CAMKMT: variants seen among roughly 807,000 people sequenced by gnomAD.
CAMKMT encodes the protein CaM KMT.
A neutral mutation model predicts 48.0 loss-of-function variants in CAMKMT; 53 were observed. The ratio of observed to expected loss-of-function variants is 1.10; its 90% confidence interval spans 0.89 to 1.39. The LOEUF (loss-of-function observed/expected upper bound fraction) is 1.39, where lower values mean the gene tolerates loss of function less well. CAMKMT is among the 40% of genes most tolerant of loss of function. The pLI is 0.00. For synonymous variants in CAMKMT, 165 were observed against 152.3 expected, an observed-to-expected ratio of 1.08 and a Z score of -0.61; for missense variants, 428 against 402.7, an observed-to-expected ratio of 1.06 and a Z score of -0.54.
intron 3 of CAMKMT, among the ~76,000 whole-genome samples, chr2:44,457,614 G>T (rs1246367896): frequency 1.3e-5 from 2 of 152,068 alleles, no homozygotes; most frequent in East Asian, 1.9e-4. Flanking sequence ...GGCCAGGCTG[G>T]TCTCAAACTC....
At chr2:44,687,496 G>T (rs1461912599) in intron 3 of CAMKMT, among the ~76,000 whole-genome samples, 1 of 152,204 alleles carries the variant, frequency 6.6e-6, no homozygotes, top group Non-Finnish European at 1.5e-5. Flanking sequence ...CCAAATAGCT[G>T]CCAGTCAATT....
chr2:44,510,353 A>G (rs2104766312), intron 3 of CAMKMT, among the ~76,000 whole-genome samples: 1 of 152,294 alleles, frequency 6.6e-6, no homozygotes, highest in South Asian at 2.1e-4. Context: ...TCTCATGATT[A>G]CATTGAGATT....
intron 3 of CAMKMT, among the ~76,000 whole-genome samples, chr2:44,538,846 C>A (rs1304100242): frequency 6.6e-6 from 1 of 151,594 alleles, no homozygotes; most frequent in Non-Finnish European, 1.5e-5. Flanking sequence ...ACTTGTATGC[C>A]CTTTATAATA....
Position 44,772,111 on chromosome 2 carries a change from T to G in CAMKMT, c.970T>G (p.Ter324GluextTer25). 6.2e-7 allele frequency: 1 copy of G among 1,612,540 alleles called. No homozygotes were observed. The highest frequency in any genetic ancestry group is 2.2e-5 in the East Asian group (1 of 44,880). ...PLLLILTKHG[*>E] Reference sequence around the variant, plus strand: ...TCTGCTTATTTTGACCAAACATGGATAGAAGATTAAGCTTCTCAAAGACGA... The same window carrying G: ...TCTGCTTATTTTGACCAAACATGGAGAGAAGATTAAGCTTCTCAAAGACGA... Residue 324 changes from the stop codon to glutamate (E), a stop_lost, in exon 11 of 11, where the codon TAG becomes GAG. Coordinates refer to ENST00000378494, the MANE Select transcript of CAMKMT (RefSeq NM_024766.5).
intron 10 of CAMKMT, among the ~76,000 whole-genome samples, chr2:44,767,458 G>GT (rs1340519162): frequency 6.6e-6 from 1 of 152,194 alleles, no homozygotes; most frequent in Non-Finnish European, 1.5e-5. Context: ...ATGTAGAAGT[G>GT]TGTTGGCTTT....
rs1227855145 is a variant in CAMKMT at position 44,591,534 on chromosome 2, C to CT, written c.377-112748dup. Among the ~76,000 whole-genome samples, 6 of 152,220 alleles carry CT rather than the reference C, an allele frequency of 3.9e-5. No homozygotes were observed. The East Asian group carries it at 5.8e-4, about 15-fold the overall frequency. ...TGAAGCAATTGTGAATGGGAGTTCA[C>CT]TCATGATTTGGCTCTCTGTTTGTCT... On this transcript the variant is annotated intron_variant, in intron 3 of 10. Coordinates refer to ENST00000378494, the MANE Select transcript of CAMKMT (RefSeq NM_024766.5).
intron 7 of CAMKMT, among the ~76,000 whole-genome samples, chr2:44,729,761 G>T (rs1678982320): frequency 1.3e-5 from 2 of 152,124 alleles, no homozygotes; most frequent in South Asian, 4.1e-4. Flanking sequence ...AGACAAGAAA[G>T]GGAAATATTT....
chr2:44,570,138 C>T (rs1048165251), intron 3 of CAMKMT, among the ~76,000 whole-genome samples: 3 of 152,036 alleles, frequency 2.0e-5, no homozygotes, highest in African/African-American at 4.8e-5. Context: ...ATGTTTCCCC[C>T]AAATACAATG....
chr2:44,372,478 A>G (rs904318589), intron 1 of CAMKMT, among the ~76,000 whole-genome samples: 1 of 152,156 alleles, frequency 6.6e-6, no homozygotes, highest in African/African-American at 2.4e-5. Flanking sequence ...AAAAAAAAAA[A>G]AAAAGATATC....
chr2:44,389,335 C>G (rs1410055014), intron 2 of CAMKMT, among the ~76,000 whole-genome samples: 1 of 152,078 alleles, frequency 6.6e-6, no homozygotes. Context: ...TTCGAGGTAC[C>G]AGGGTTAGGG....
At chr2:44,764,538 A>G (rs1680755488) in intron 9 of CAMKMT, among the ~76,000 whole-genome samples, 1 of 152,110 alleles carries the variant, frequency 6.6e-6, no homozygotes, top group Non-Finnish European at 1.5e-5. Flanking sequence ...CAAAATGGAG[A>G]GATTGGACTA....
rs13384230 is a variant in CAMKMT at position 44,386,350 on chromosome 2, G to A, written c.312-3891G>A. Among the ~76,000 whole-genome samples the A allele has an allele frequency of 3.3e-3, 501 of 152,104 alleles. 2 individuals are homozygous for A. The highest frequency in any genetic ancestry group is 0.011 in the African/African-American group (475 of 41,514). The stretch of plus-strand genomic sequence containing the variant: ...GAATGATCTTTTGTGTTTCAGTGGT[G>A]TCATTTGCAGTATCTCCTGTTTCCT... On this transcript the variant is annotated intron_variant, in intron 2 of 10. Coordinates refer to ENST00000378494, the MANE Select transcript of CAMKMT (RefSeq NM_024766.5).
chr2:44,720,207 G>C (rs1237773640), intron 7 of CAMKMT, among the ~76,000 whole-genome samples: 1 of 152,136 alleles, frequency 6.6e-6, no homozygotes, highest in East Asian at 1.9e-4. Context: ...TTTAAAATAG[G>C]AGGATGCTGT....
intron 3 of CAMKMT, among the ~76,000 whole-genome samples, chr2:44,471,428 T>C (rs906668248): frequency 2.6e-5 from 4 of 152,024 alleles, no homozygotes; most frequent in Non-Finnish European, 4.4e-5. Flanking sequence ...CAAAACCCCG[T>C]CTCTAAAAAA....
chr2:44,629,506 G>A (rs115136824), intron 3 of CAMKMT, among the ~76,000 whole-genome samples: 1,854 of 147,868 alleles, frequency 0.013, 37 homozygotes, highest in African/African-American at 0.044. Flanking sequence ...CCTAATCTTG[G>A]CTCACTGCAA....
At chr2:44,363,682 C>A (rs1486087597) in intron 1 of CAMKMT, among the ~76,000 whole-genome samples, 1 of 150,906 alleles carries the variant, frequency 6.6e-6, no homozygotes, top group Non-Finnish European at 1.5e-5. Flanking sequence ...GCCCGGCAAC[C>A]CCCTTCTTTT....
intron 3 of CAMKMT, among the ~76,000 whole-genome samples, chr2:44,412,795 G>T (rs1052039793): frequency 4.6e-5 from 7 of 151,884 alleles, no homozygotes; most frequent in Non-Finnish European, 8.8e-5. Flanking sequence ...AAATAAAGAG[G>T]CTGGGCACGG....
At chr2:44,637,390 C>A (rs1050234166) in intron 3 of CAMKMT, among the ~76,000 whole-genome samples, 3 of 152,094 alleles carry the variant, frequency 2.0e-5, no homozygotes, top group Non-Finnish European at 4.4e-5. Flanking sequence ...GAATTTTTTG[C>A]ACTGAATGCT....
rs190587067 is a variant in CAMKMT, at chr2:44,387,225, G to T, written c.312-3016G>T. ...GTTAGGTACATATATGTTTAGGATC[G>T]TGATATTTTCCTGTTGGACAAGGCC... is the stretch of plus-strand genomic sequence containing the variant. On this transcript the variant is annotated intron_variant, in intron 2 of 10. Transcript: ENST00000378494. Among the ~76,000 whole-genome samples, 220 of 152,216 alleles carry T rather than the reference G, an allele frequency of 1.4e-3. 1 individual carries two copies. The highest frequency in any genetic ancestry group is 5.2e-3 in the African/African-American group (217 of 41,546).
Sources: gnomAD v4.1 joint callset for allele counts (sites outside exome capture counted in the v4.1 genomes callset) on GRCh38, gnomAD v4.1.1 for gene constraint, MANE v1.5 for transcripts, NCBI Gene and HGNC (gene_info 2026-07-23, HGNC 2026-07-21) for gene names.